The following DNAH3 variants were observed in gnomAD, a reference collection of about 807,000 sequenced individuals.
DNAH3 encodes the protein axonemal beta dynein heavy chain 3.
Under a neutral mutation model 432.5 loss-of-function variants are expected in DNAH3, and 332 were observed. The ratio of observed to expected loss-of-function variants is 0.77; its 90% CI spans 0.70 to 0.84. The LOEUF is 0.84. Ranked by LOEUF, DNAH3 falls within the 40% of genes least tolerant of loss-of-function variation. The pLI is 0.00. For missense variants in DNAH3, 4,861 were observed against 5,114.0 expected, an observed-to-expected ratio of 0.95 and a Z score of 1.51; for synonymous variants, 1,956 against 1,900.2, an observed-to-expected ratio of 1.03 and a Z score of -0.76.
Position 21,000,894 on chromosome 16 carries a change from A to G in DNAH3, c.6127-376T>C, listed in dbSNP as rs187740190. 6.6e-3 allele frequency among the ~76,000 whole-genome samples: 1,007 copies of G among 152,314 alleles called. 6 individuals are homozygous for G. The highest frequency in any genetic ancestry group is 0.011 in the Non-Finnish European group (729 of 68,034). ...GATTCCAAAGTCTACAGTCTTCACT[A>G]CTGAATGGTCATATTATAAACAGTT... On this transcript the variant is annotated intron_variant, in intron 42 of 61. Transcript: ENST00000261383.
chr16:21,120,985 A>C (rs1247838992), intron 10 of DNAH3: 2 of 735,786 alleles, frequency 2.7e-6, no homozygotes, highest in Admixed American at 2.0e-5. Context: ...AGTACTTAGA[A>C]CCCTGTAAGT....
At chr16:21,083,760 G>A (rs2091272186) in intron 19 of DNAH3, among the ~76,000 whole-genome samples, 2 of 152,130 alleles carry the variant, frequency 1.3e-5, no homozygotes, top group Non-Finnish European at 2.9e-5. Context: ...TAGGCATCAG[G>A]GCAGAGAATG....
At chr16:21,105,691 G>A (rs1260263968) in intron 15 of DNAH3, among the ~76,000 whole-genome samples, 1 of 151,560 alleles carries the variant, frequency 6.6e-6, no homozygotes, top group African/African-American at 2.4e-5. Context: ...GATGGACCCT[G>A]AGAGGCAGAG....
chr16:21,069,003 C>A (rs113296291), intron 23 of DNAH3, among the ~76,000 whole-genome samples: 1 of 151,992 alleles, frequency 6.6e-6, no homozygotes, highest in African/African-American at 2.4e-5. Flanking sequence ...CAGGTCACTG[C>A]AACCGCCGCC....
At position 21,134,469 on chromosome 16, in the gene DNAH3, G is replaced by A. The variant is rs777804431; in HGVS notation, c.887-15C>T. ...GATGTAATCAACTACAACCGGAAAG[G>A]GCGAACACCTCATTATTAAGCTCTA... On this transcript the variant is annotated splice_polypyrimidine_tract_variant and intron_variant, in intron 6 of 61. Transcript: ENST00000261383. 2 of 1,610,298 alleles carry A rather than the reference G, an allele frequency of 1.2e-6. No individual in the cohort carries two copies. The highest frequency in any genetic ancestry group is 1.7e-6 in the Non-Finnish European group (2 of 1,177,632).
intron 7 of DNAH3, among the ~76,000 whole-genome samples, chr16:21,131,020 T>C (rs1333306887): frequency 6.6e-6 from 1 of 152,152 alleles, no homozygotes; most frequent in African/African-American, 2.4e-5. Context: ...TAGGTATTGT[T>C]ATGATGATTC....
rs373854833 is a variant in DNAH3, at chr16:21,080,545, G to A, written c.2969+1091C>T. Among the ~76,000 whole-genome samples the A allele has an allele frequency of 1.2e-4, 18 of 152,276 alleles. No individual in the cohort carries two copies. In the South Asian group the frequency reaches 3.1e-3, roughly 26 times the overall value. On this transcript the variant is annotated intron_variant, in intron 20 of 61. Coordinates refer to ENST00000261383, the Ensembl canonical transcript of DNAH3. ...TAATTCAGACTAGCTGCACTGTAGG[G>A]GCTCAATGGCCACATGTGGCCAGTG...
intron 54 of DNAH3, among the ~76,000 whole-genome samples, chr16:20,957,573 G>A (rs1478846531): frequency 1.3e-5 from 2 of 151,970 alleles, no homozygotes; most frequent in South Asian, 2.1e-4. Flanking sequence ...AGCACTTTGG[G>A]AGGCTGAGGT....
chr16:21,103,801 A>G (rs1422715006), intron 16 of DNAH3: 2 of 152,244 alleles, frequency 1.3e-5, no homozygotes, highest in African/African-American at 4.8e-5. Context: ...CATAATCAAA[A>G]CGTGAACCTG....
chr16:21,139,128 T>A (rs985586810), intron 5 of DNAH3, among the ~76,000 whole-genome samples: 2 of 152,126 alleles, frequency 1.3e-5, no homozygotes, highest in Non-Finnish European at 2.9e-5. Flanking sequence ...AACTCCAACA[T>A]CTATCTAGAG....
At chr16:21,059,909 G>A (rs913714412) in intron 26 of DNAH3, among the ~76,000 whole-genome samples, 22 of 152,116 alleles carry the variant, frequency 1.4e-4, no homozygotes, top group Admixed American at 1.1e-3. Context: ...TAAGCTTTGG[G>A]AACACAATGA....
At chr16:21,075,499 A>C (rs778668515) in exon 21 of DNAH3, 4 of 1,614,084 alleles carry the variant, frequency 2.5e-6, no homozygotes, top group Non-Finnish European at 3.4e-6. Context: ...ATCCAACTTC[A>C]TTCTATCCAA....
intron 43 of DNAH3, among the ~76,000 whole-genome samples, chr16:20,998,136 T>C (rs936819695): frequency 6.6e-6 from 1 of 152,192 alleles, no homozygotes; most frequent in African/African-American, 2.4e-5. Flanking sequence ...CCCCATATGA[T>C]GGCAACAGTC....
At chr16:20,955,753 T>C (rs879885550) in intron 54 of DNAH3, among the ~76,000 whole-genome samples, 1 of 151,878 alleles carries the variant, frequency 6.6e-6, no homozygotes, top group Non-Finnish European at 1.5e-5. Context: ...CCTTGAAAAA[T>C]AGGGAGAAAT....
intron 58 of DNAH3, 98 bp from the exon 59 acceptor site, chr16:20,941,641 T>A: frequency 6.9e-7 from 1 of 1,448,176 alleles, no homozygotes; most frequent in Non-Finnish European, 9.4e-7. Flanking sequence ...TTTTCAAATG[T>A]ATTCTGTGGG....
At chr16:21,069,460 T>A (rs1315451866) in exon 23 of DNAH3, 1 of 1,614,036 alleles carries the variant, frequency 6.2e-7, no homozygotes, top group Non-Finnish European at 8.5e-7. Flanking sequence ...CAATGCCAAA[T>A]TTCCTCCCCT....
At chr16:21,138,811 TA>T (rs368103118) in intron 5 of DNAH3, among the ~76,000 whole-genome samples, 8 of 146,390 alleles carry the variant, frequency 5.5e-5, no homozygotes, top group African/African-American at 7.6e-5. Context: ...CTCCCTCTAA[TA>T]AAAAAAAAAA....
chr16:21,131,483 G>A (rs1297557838), intron 7 of DNAH3, among the ~76,000 whole-genome samples: 92 of 7,950 alleles, frequency 0.012, no homozygotes, highest in South Asian at 0.066. Flanking sequence ...AAGGAAGAAA[G>A]AAAAGAAAGA....
intron 43 of DNAH3, among the ~76,000 whole-genome samples, chr16:20,999,389 A>G (rs2086909730): frequency 6.6e-6 from 1 of 152,204 alleles, no homozygotes; most frequent in African/African-American, 2.4e-5. Context: ...GGAATGTAAA[A>G]TAAAATAGGA....
Sources: gnomAD v4.1 joint callset for allele counts (sites outside exome capture counted in the v4.1 genomes callset) on GRCh38, gnomAD v4.1.1 for gene constraint, MANE v1.5 for transcripts, NCBI Gene and HGNC (gene_info 2026-07-23, HGNC 2026-07-21) for gene names.